IQGAP3: variants seen among roughly 807,000 people sequenced by gnomAD.
IQGAP3 encodes the protein IQ motif containing GTPase activating protein 3.
Under a neutral mutation model 208.2 loss-of-function variants are expected in IQGAP3, and 165 were observed. That is an observed-to-expected ratio of 0.79 (90% CI 0.70 to 0.90). The LOEUF is 0.90. Among genes scored for constraint, IQGAP3 ranks in the 40% least tolerant of loss-of-function variants. The probability of loss-of-function intolerance (pLI) is 0.00; values close to 1 mark genes in which losing one functional copy is unlikely to be tolerated. For synonymous variants in IQGAP3, 703 were observed against 803.6 expected (o/e 0.87, Z 2.12); for missense variants, 1,811 against 2,043.1 (o/e 0.89, Z 2.19).
At chr1:156,537,436 G>A in intron 26 of IQGAP3, 115 bp from the exon 27 acceptor site, 1 of 1,005,590 alleles carries the variant, frequency 9.9e-7, no homozygotes, top group Non-Finnish European at 1.4e-6. Context: ...GATGTGCTAA[G>A]GACAGCTCAG....
rs566053947 is a variant in IQGAP3 at position 156,526,111 on chromosome 1, G to A, written c.*375C>T. On this transcript the variant is annotated 3_prime_UTR_variant, in exon 38 of 38. Coordinates refer to ENST00000361170, the MANE Select transcript of IQGAP3 (RefSeq NM_178229.5). ...TTGTGGGAGTGCAGAGAGAAGGAAG[G>A]CAGAGGGGAAATCAAGCCGCTGGGG... 1 of 203,752 alleles carries A rather than the reference G, an allele frequency of 4.9e-6. No individual in the cohort carries two copies. The highest frequency in any genetic ancestry group is 1.1e-4 in the East Asian group (1 of 8,976). 12.6% of individuals were successfully genotyped at this position (203,752 alleles called of 1,614,324 possible). A position where few individuals can be genotyped will look rare whatever the true frequency, so the allele number is the denominator to read the frequency against.
chr1:156,566,315 C>T (rs770160833), intron 3 of IQGAP3, 75 bp downstream of exon 3: 104 of 1,471,834 alleles, frequency 7.1e-5, no homozygotes, highest in Non-Finnish European at 7.7e-5. Context: ...TATATGGTCA[C>T]TCTACCCTCA....
chr1:156,544,572 G>A (rs1175540952), intron 19 of IQGAP3, 100 bp from the exon 20 acceptor site: 1 of 982,912 alleles, frequency 1.0e-6, no homozygotes, highest in African/African-American at 1.6e-5. Context: ...GGGAATGGAA[G>A]GGGGCAGTTA....
intron 15 of IQGAP3, among the ~76,000 whole-genome samples, chr1:156,550,748 A>G (rs1384212850): frequency 1.3e-5 from 2 of 151,966 alleles, no homozygotes; most frequent in East Asian, 1.9e-4. Flanking sequence ...CCACTCCCCT[A>G]TGCCTCATTG....
chr1:156,535,108 G>T, intron 28 of IQGAP3, 55 bp downstream of exon 28: 4 of 1,290,812 alleles, frequency 3.1e-6, no homozygotes, highest in South Asian at 2.4e-5. Context: ...GGGATTGCAG[G>T]TACCAGCAAA....
chr1:156,569,052 T>C (rs1470418763), intron 2 of IQGAP3, among the ~76,000 whole-genome samples: 2 of 152,188 alleles, frequency 1.3e-5, no homozygotes, highest in Non-Finnish European at 2.9e-5. Context: ...ACAGATTTTT[T>C]TTTTAAGACA....
At position 156,526,229 on chromosome 1, in the gene IQGAP3, G is replaced by A; in HGVS notation, c.*257C>T. On this transcript the variant is annotated 3_prime_UTR_variant, in exon 38 of 38. Transcript: ENST00000361170. ...GTCAAGGTCCATGTCCTACCATCTG[G>A]CAGGAAAGCCAGGGGTTTGTCATGC... The A allele has an allele frequency of 2.1e-6, 1 of 469,828 alleles. No individual in the cohort carries two copies. Among genetic ancestry groups the A allele is most frequent in the Non-Finnish European group, 3.9e-6 (1 of 257,418 alleles). 29.1% of individuals were successfully genotyped at this position (469,828 alleles called of 1,614,324 possible).
At position 156,540,919 on chromosome 1, in the gene IQGAP3, G is replaced by A; in HGVS notation, c.2531-3C>T. 1.2e-6 allele frequency: 2 copies of A among 1,611,842 alleles called. No individual in the cohort carries two copies. The highest frequency in any genetic ancestry group is 1.1e-5 in the South Asian group (1 of 91,008). On this transcript the variant is annotated splice_polypyrimidine_tract_variant and splice_region_variant and intron_variant, in intron 22 of 37. Coordinates refer to ENST00000361170, the MANE Select transcript of IQGAP3 (RefSeq NM_178229.5). ...GAGAGGAGGGTGGGGTGCATGCACT[G>A]GGAGGAAGGGAGGAGGCATCAGGAT...
Position 156,565,983 on chromosome 1 carries a change from G to T in IQGAP3, c.360+44C>A, listed in dbSNP as rs746409133. The T allele has an allele frequency of 2.1e-6, 3 of 1,427,580 alleles. No homozygotes were observed. In the South Asian group the frequency reaches 3.4e-5, roughly 16 times the overall value. The allele number at this position is 1,427,580 out of a possible 1,614,324, so 88.4% of individuals were successfully genotyped here. On this transcript the variant is annotated intron_variant, in intron 4 of 37. Transcript: ENST00000361170. ...AAGCATGGGATTGTGGGAGGTGGCTGGTAAGGAGTAAAGATGAATACCAAT... is the reference window on the plus strand; with the variant it reads ...AAGCATGGGATTGTGGGAGGTGGCTTGTAAGGAGTAAAGATGAATACCAAT...
chr1:156,536,789 C>T (rs12126128), intron 27 of IQGAP3: 49,388 of 158,704 alleles, frequency 0.31, 9,549 homozygotes, highest in East Asian at 0.55. Context: ...GAAAACCAAA[C>T]GTATTGACTA....
rs762570339 is a variant in IQGAP3 at position 156,544,496 on chromosome 1, A to G, written c.2305-24T>C. 4.4e-6 allele frequency: 7 copies of G among 1,597,020 alleles called. No individual in the cohort carries two copies. The Admixed American group carries it at 6.7e-5, about 15-fold the overall frequency. ...GCCTGCACATCAGGAGAGAAAGGGA[A>G]GTAACTCAAGCAGGTCTCCTTTGGC... On this transcript the variant is annotated intron_variant, in intron 19 of 37. Transcript: ENST00000361170.
chr1:156,556,026 T>C (rs1675807187), intron 12 of IQGAP3, among the ~76,000 whole-genome samples: 2 of 152,232 alleles, frequency 1.3e-5, no homozygotes, highest in South Asian at 4.1e-4. Flanking sequence ...TTCCTTGGTC[T>C]GAAGACTTCT....
chr1:156,534,766 C>T, intron 28 of IQGAP3, 33 bp from the exon 29 acceptor site: 1 of 1,431,562 alleles, frequency 7.0e-7, no homozygotes. Flanking sequence ...CAGAAGTGTC[C>T]AGGGGCCGCC....
At chr1:156,554,185 G>T (rs775850787) in intron 13 of IQGAP3, 50 bp downstream of exon 13, 1 of 1,545,348 alleles carries the variant, frequency 6.5e-7, no homozygotes, top group Admixed American at 2.1e-5. Flanking sequence ...CTGAGTCTTG[G>T]CTGCATTCCC....
intron 25 of IQGAP3, 103 bp downstream of exon 25, chr1:156,539,271 A>G: frequency 8.7e-7 from 1 of 1,153,564 alleles, no homozygotes; most frequent in Non-Finnish European, 1.2e-6. Context: ...TTCTGATTCC[A>G]TTTCTACCCT....
chr1:156,526,564 G>A lies in IQGAP3; in HGVS notation c.4818C>T (p.Val1606=), dbSNP rs1407285133. 2 of 1,613,986 alleles carry A rather than the reference G, an allele frequency of 1.2e-6. No homozygotes were observed. Among genetic ancestry groups the A allele is most frequent in the Non-Finnish European group, 1.7e-6 (2 of 1,179,944 alleles). Residue 1606 remains valine, a synonymous_variant, in exon 38 of 38, where the codon GTC becomes GTT. Transcript: ENST00000361170. The part of the protein sequence containing the change: ...LLQLQYEGVA[V]MKLFNKAKVN... ...CTTTGGCCTTGTTGAAGAGTTTCAT[G>A]ACAGCCACACCCTCATACTGGAGCT...
chr1:156,526,598 T>TC lies in IQGAP3; in HGVS notation c.4783dup (p.Asp1595GlyfsTer8). On this transcript the variant is annotated frameshift_variant and splice_region_variant, in exon 38 of 38. Coordinates refer to ENST00000361170, the MANE Select transcript of IQGAP3 (RefSeq NM_178229.5). LOFTEE classifies it high-confidence loss of function. ...ACCCTCATACTGGAGCTGCAGGAGATCCTAGGAGGGAAGAGGCAGGGAGGG... is the reference window on the plus strand; with the variant it reads ...ACCCTCATACTGGAGCTGCAGGAGATCCCTAGGAGGGAAGAGGCAGGGAGGG... The TC allele has an allele frequency of 6.2e-7, 1 of 1,610,506 alleles. No homozygotes were observed. Among genetic ancestry groups the TC allele is most frequent in the South Asian group, 1.1e-5 (1 of 91,014 alleles).
chr1:156,564,969 G>C (rs1676336067), intron 4 of IQGAP3, among the ~76,000 whole-genome samples: 1 of 152,222 alleles, frequency 6.6e-6, no homozygotes, highest in South Asian at 2.1e-4. Flanking sequence ...AAGGCTACAG[G>C]ATATAAGCCA....
At chr1:156,558,241 A>T (rs1270260079) in intron 11 of IQGAP3, among the ~76,000 whole-genome samples, 1 of 18,660 alleles carries the variant, frequency 5.4e-5, no homozygotes, top group African/African-American at 1.4e-4. Flanking sequence ...TCCGGGAGGG[A>T]GGTGGGGGGG....
Sources: gnomAD v4.1 joint callset for allele counts (sites outside exome capture counted in the v4.1 genomes callset) on GRCh38, gnomAD v4.1.1 for gene constraint, MANE v1.5 for transcripts, NCBI Gene and HGNC (gene_info 2026-07-23, HGNC 2026-07-21) for gene names.